Variants in EXOC4 observed in about 807,000 individuals in gnomAD.
The protein encoded by EXOC4 is SEC8-like 1.
Under a neutral mutation model 107.2 loss-of-function variants are expected in EXOC4, and 71 were observed. The ratio of observed to expected loss-of-function variants is 0.66; its 90% CI spans 0.55 to 0.81. EXOC4 has a LOEUF of 0.81. EXOC4 is among the 30% of genes least tolerant of loss of function. The pLI, the probability that EXOC4 is intolerant of heterozygous loss-of-function variation, is 0.00. For missense variants in EXOC4, 1,108 were observed against 1,189.6 expected (o/e 0.93, Z 1.01); for synonymous variants, 456 against 441.2 (o/e 1.03, Z -0.42).
At chr7:133,787,173 C>CTTTTTTTTTTCTTTTCT (rs1796588900) in intron 10 of EXOC4, among the ~76,000 whole-genome samples, 2 of 133,144 alleles carry the variant, frequency 1.5e-5, no homozygotes, top group South Asian at 4.6e-4. Context: ...TTTTTCTTTT[C>CTTTTTTTTTTCTTTTCT]TTTTTTTTTT....
chr7:133,495,877 A>T (rs1349479055), intron 9 of EXOC4, among the ~76,000 whole-genome samples: 2 of 152,214 alleles, frequency 1.3e-5, no homozygotes, highest in Non-Finnish European at 2.9e-5. Flanking sequence ...TTTAGGAGAT[A>T]CAAGGATTTT....
chr7:133,969,827 CT>C (rs529547980), intron 14 of EXOC4, among the ~76,000 whole-genome samples: 211 of 152,332 alleles, frequency 1.4e-3, no homozygotes, highest in African/African-American at 4.8e-3. Flanking sequence ...CAGGGACTCA[CT>C]TGAGGAGGTA....
chr7:133,964,950 TG>T (rs1248014911), intron 14 of EXOC4, among the ~76,000 whole-genome samples: 3 of 152,178 alleles, frequency 2.0e-5, no homozygotes, highest in Admixed American at 2.0e-4. Context: ...CCACCAACAG[TG>T]TAAAAGCATT....
intron 9 of EXOC4, among the ~76,000 whole-genome samples, chr7:133,622,130 A>G (rs1374443784): frequency 6.6e-6 from 1 of 151,980 alleles, no homozygotes; most frequent in Non-Finnish European, 1.5e-5. Context: ...GCACCTCACC[A>G]TGCTGGGCTA....
intron 9 of EXOC4, among the ~76,000 whole-genome samples, chr7:133,604,061 C>T (rs564523441): frequency 6.6e-6 from 1 of 151,566 alleles, no homozygotes; most frequent in East Asian, 1.9e-4. Context: ...TAAACACACA[C>T]ATGAGCCCAG....
chr7:133,979,808 C>A (rs970208082), intron 14 of EXOC4, among the ~76,000 whole-genome samples: 1 of 151,896 alleles, frequency 6.6e-6, no homozygotes, highest in South Asian at 2.1e-4. Flanking sequence ...AAAAAAAAAC[C>A]CTAAATTGCC....
intron 10 of EXOC4, among the ~76,000 whole-genome samples, chr7:133,792,011 G>A (rs1796712477): frequency 6.6e-6 from 1 of 152,142 alleles, no homozygotes; most frequent in African/African-American, 2.4e-5. Context: ...TGGTTTAGGG[G>A]TTTAGGGGGT....
intron 2 of EXOC4, among the ~76,000 whole-genome samples, chr7:133,284,334 A>G (rs190156255): frequency 6.8e-4 from 103 of 152,256 alleles, no homozygotes; most frequent in African/African-American, 2.4e-3. Flanking sequence ...AACTGTTTCC[A>G]TAGTAACCGT....
chr7:133,657,434 T>G (rs1254550872), intron 10 of EXOC4, among the ~76,000 whole-genome samples: 1 of 152,194 alleles, frequency 6.6e-6, no homozygotes, highest in African/African-American at 2.4e-5. Flanking sequence ...GATGTTGGTA[T>G]TTTACTAAAG....
chr7:134,035,850 C>A (rs1272351558), intron 17 of EXOC4, among the ~76,000 whole-genome samples: 2 of 152,186 alleles, frequency 1.3e-5, no homozygotes, highest in Non-Finnish European at 2.9e-5. Flanking sequence ...AAGAGTGTTT[C>A]CTTCTGGGCT....
chr7:133,770,090 C>CT (rs1205073283), intron 10 of EXOC4, among the ~76,000 whole-genome samples: 1 of 4,654 alleles, frequency 2.1e-4, no homozygotes, highest in African/African-American at 2.6e-4. Context: ...CTTTGATCCC[C>CT]CATAGCTATT....
At chr7:133,523,067 A>G (rs933174419) in intron 9 of EXOC4, among the ~76,000 whole-genome samples, 2 of 152,186 alleles carry the variant, frequency 1.3e-5, no homozygotes, top group Non-Finnish European at 2.9e-5. Flanking sequence ...ATATAATGAT[A>G]ACCATTATTT....
intron 5 of EXOC4, among the ~76,000 whole-genome samples, chr7:133,339,356 C>A (rs2150622503): frequency 1.3e-5 from 2 of 152,212 alleles, no homozygotes; most frequent in Middle Eastern, 3.4e-3. Context: ...TAGTCTGTTC[C>A]ATTGGTCAAT....
At chr7:133,484,008 G>A (rs370458002) in intron 9 of EXOC4, 90 of 1,613,290 alleles carry the variant, frequency 5.6e-5, no homozygotes, top group East Asian at 3.8e-4. Context: ...CAGTAATTTC[G>A]GTTCATACGT....
chr7:133,667,882 A>T (rs1415450557), intron 10 of EXOC4, among the ~76,000 whole-genome samples: 1 of 152,180 alleles, frequency 6.6e-6, no homozygotes, highest in Non-Finnish European at 1.5e-5. Flanking sequence ...TTACAATCAA[A>T]TAGACAAAAA....
intron 14 of EXOC4, among the ~76,000 whole-genome samples, chr7:133,943,355 A>C (rs1800475549): frequency 6.6e-6 from 1 of 152,206 alleles, no homozygotes; most frequent in Non-Finnish European, 1.5e-5. Context: ...TGCATTATCA[A>C]AATTTCTCCT....
At chr7:133,434,275 AT>A (rs1278679808) in intron 7 of EXOC4, among the ~76,000 whole-genome samples, 2 of 151,910 alleles carry the variant, frequency 1.3e-5, no homozygotes, top group Non-Finnish European at 2.9e-5. Flanking sequence ...ACTTTTATTT[AT>A]TTTCTCTCTA....
chr7:133,950,580 C>T (rs1378934854), intron 14 of EXOC4, among the ~76,000 whole-genome samples: 1 of 152,192 alleles, frequency 6.6e-6, no homozygotes, highest in African/African-American at 2.4e-5. Context: ...TATAGAACTT[C>T]GTTCAAGAAG....
chr7:133,296,771 C>T (rs1794528430), intron 3 of EXOC4, among the ~76,000 whole-genome samples: 1 of 152,014 alleles, frequency 6.6e-6, no homozygotes, highest in South Asian at 2.1e-4. Context: ...TTTTATTGCA[C>T]TAAAGCCTAC....
Sources: gnomAD v4.1 joint callset for allele counts (sites outside exome capture counted in the v4.1 genomes callset) on GRCh38, gnomAD v4.1.1 for gene constraint, MANE v1.5 for transcripts, NCBI Gene and HGNC (gene_info 2026-07-23, HGNC 2026-07-21) for gene names.